The following IGSF23 variants were observed in gnomAD, a reference collection of about 807,000 sequenced individuals.
The protein encoded by IGSF23 is immunoglobulin superfamily, member 23.
IGSF23 carries 14 observed loss-of-function variants against 17.8 expected under a neutral mutation model. The observed-to-expected ratio is 0.79, with a 90% CI of 0.52 to 1.23. The LOEUF is 1.23. Ranked by LOEUF, IGSF23 falls within the 50% of genes most tolerant of loss-of-function variation. The pLI, the probability that IGSF23 is intolerant of heterozygous loss-of-function variation, is 0.00. For missense variants in IGSF23, 214 were observed against 241.7 expected (o/e 0.89, Z 0.76); for synonymous variants, 85 against 92.5 (o/e 0.92, Z 0.46).
chr19:44,626,645 C>T (rs1222176955), intron 2 of IGSF23, among the ~76,000 whole-genome samples: 1 of 152,190 alleles, frequency 6.6e-6, no homozygotes, highest in Non-Finnish European at 1.5e-5. Context: ...TTCCTGTAAT[C>T]TCAGCACTTT....
intron 1 of IGSF23, among the ~76,000 whole-genome samples, chr19:44,623,004 C>T (rs1972554409): frequency 6.6e-6 from 1 of 152,164 alleles, no homozygotes; most frequent in African/African-American, 2.4e-5. Flanking sequence ...TTCCTCACAG[C>T]CCTTACCACC....
intron 3 of IGSF23, among the ~76,000 whole-genome samples, chr19:44,628,514 G>A (rs117314554): frequency 0.064 from 9,708 of 152,182 alleles, 389 homozygotes; most frequent in South Asian, 0.17. Flanking sequence ...TTGGGAGGCC[G>A]AGGTGGGTAG....
intron 3 of IGSF23, among the ~76,000 whole-genome samples, chr19:44,633,438 T>C (rs1972813487): frequency 6.6e-6 from 1 of 152,228 alleles, no homozygotes; most frequent in African/African-American, 2.4e-5. Context: ...CATATGTTGA[T>C]TTTGAAGGAT....
chr19:44,626,009 C>CTT (rs150559633), intron 2 of IGSF23, among the ~76,000 whole-genome samples: 2 of 152,028 alleles, frequency 1.3e-5, no homozygotes, highest in African/African-American at 4.8e-5. Context: ...ATTAAACCTC[C>CTT]TTTTTTTTAA....
At chr19:44,619,960 C>G (rs1972475468) in intron 1 of IGSF23, among the ~76,000 whole-genome samples, 1 of 152,192 alleles carries the variant, frequency 6.6e-6, no homozygotes, top group Non-Finnish European at 1.5e-5. Flanking sequence ...TTCTGATGCT[C>G]TAACAAAGAC....
chr19:44,615,941 G>A (rs1324522517), intron 1 of IGSF23, among the ~76,000 whole-genome samples: 1 of 152,154 alleles, frequency 6.6e-6, no homozygotes, highest in Non-Finnish European at 1.5e-5. Flanking sequence ...GAAATTGGCT[G>A]TGCCACTGGA....
chr19:44,617,703 G>A (rs1167600710), intron 1 of IGSF23, among the ~76,000 whole-genome samples: 1 of 152,136 alleles, frequency 6.6e-6, no homozygotes, highest in Non-Finnish European at 1.5e-5. Context: ...TGGGTGAGGG[G>A]TTGGGTAGGA....
At chr19:44,614,102 A>G in intron 1 of IGSF23, 1 of 824,378 alleles carries the variant, frequency 1.2e-6, no homozygotes, top group Non-Finnish European at 1.8e-6. Flanking sequence ...TTTGAGGCCC[A>G]TGCAGCTCAG....
intron 1 of IGSF23, among the ~76,000 whole-genome samples, chr19:44,620,303 G>A (rs987440991): frequency 1.3e-5 from 2 of 150,948 alleles, no homozygotes; most frequent in African/African-American, 4.9e-5. Flanking sequence ...GACCGCTGAG[G>A]TTCATCCATC....
At chr19:44,634,002 G>A (rs760917077) in intron 3 of IGSF23, among the ~76,000 whole-genome samples, 35 of 152,172 alleles carry the variant, frequency 2.3e-4, no homozygotes, top group Non-Finnish European at 5.0e-4. Context: ...ACTTAAACTA[G>A]ACCTTCCTAA....
chr19:44,614,475 C>T (rs1476842721), intron 1 of IGSF23, among the ~76,000 whole-genome samples: 1 of 151,972 alleles, frequency 6.6e-6, no homozygotes, highest in Non-Finnish European at 1.5e-5. Context: ...CTCTGTTGTC[C>T]AGGCTACAGT....
intron 2 of IGSF23, among the ~76,000 whole-genome samples, chr19:44,625,381 C>T (rs911292779): frequency 6.6e-6 from 1 of 152,060 alleles, no homozygotes; most frequent in African/African-American, 2.4e-5. Context: ...CATATACAGT[C>T]GGTATATGGA....
At chr19:44,621,559 G>A (rs1972522425) in intron 1 of IGSF23, among the ~76,000 whole-genome samples, 1 of 151,818 alleles carries the variant, frequency 6.6e-6, no homozygotes, top group African/African-American at 2.4e-5. Flanking sequence ...CCCGGGAGGT[G>A]GAGGTTGCAG....
intron 4 of IGSF23, among the ~76,000 whole-genome samples, chr19:44,635,931 A>G (rs1972879601): frequency 6.6e-6 from 1 of 152,144 alleles, no homozygotes; most frequent in Admixed American, 6.5e-5. Context: ...TCAGCTGGGT[A>G]GTTCTGGTCT....
chr19:44,631,388 G>C (rs1172311285), intron 3 of IGSF23, among the ~76,000 whole-genome samples: 1 of 152,142 alleles, frequency 6.6e-6, no homozygotes, highest in Non-Finnish European at 1.5e-5. Context: ...AGGAGTTCGA[G>C]ACCAGCCTGG....
chr19:44,632,885 C>T (rs1972799371), intron 3 of IGSF23, among the ~76,000 whole-genome samples: 1 of 152,192 alleles, frequency 6.6e-6, no homozygotes, highest in Admixed American at 6.5e-5. Context: ...AGTTGTTCAT[C>T]TGTATGAAAT....
At chr19:44,615,782 G>A (rs1972361004) in intron 1 of IGSF23, among the ~76,000 whole-genome samples, 1 of 152,102 alleles carries the variant, frequency 6.6e-6, no homozygotes, top group South Asian at 2.1e-4. Context: ...GCTGTTGTCT[G>A]AGGCCTCTCT....
chr19:44,634,659 G>A (rs1185288743), intron 3 of IGSF23, among the ~76,000 whole-genome samples: 1 of 152,126 alleles, frequency 6.6e-6, no homozygotes, highest in Non-Finnish European at 1.5e-5. Context: ...ACTATTTATG[G>A]CCAGTTTTGG....
At chr19:44,616,069 T>C (rs1972368287) in intron 1 of IGSF23, among the ~76,000 whole-genome samples, 1 of 152,204 alleles carries the variant, frequency 6.6e-6, no homozygotes, top group Non-Finnish European at 1.5e-5. Context: ...ACTTCAACTC[T>C]GTAAATACAA....
Sources: gnomAD v4.1 joint callset for allele counts (sites outside exome capture counted in the v4.1 genomes callset) on GRCh38, gnomAD v4.1.1 for gene constraint, MANE v1.5 for transcripts, NCBI Gene and HGNC (gene_info 2026-07-23, HGNC 2026-07-21) for gene names.